SAMD3: variants seen among roughly 807,000 people sequenced by gnomAD.
SAMD3 encodes sterile alpha motif domain containing 3.
SAMD3 carries 63 observed loss-of-function variants against 58.5 expected under a neutral mutation model. The observed-to-expected ratio is 1.08, with a 90% CI of 0.88 to 1.33. The LOEUF is 1.33. Ranked by LOEUF, SAMD3 falls within the 40% of genes most tolerant of loss-of-function variation. The probability of loss-of-function intolerance (pLI) is 0.00; values close to 1 mark genes in which losing one functional copy is unlikely to be tolerated. For synonymous variants in SAMD3, 220 were observed against 210.3 expected (o/e 1.05, Z -0.40); for missense variants, 604 against 608.4 (o/e 0.99, Z 0.08).
Position 130,265,148 on chromosome 6 carries a change from C to T in SAMD3, c.-187-42335G>A, listed in dbSNP as rs1310709023. ...AAAGCTTGATCTATGAAAATCCCCGCATAACCATTGAAGTTTACAACACCC... is the reference window on the plus strand; with the variant it reads ...AAAGCTTGATCTATGAAAATCCCCGTATAACCATTGAAGTTTACAACACCC... On this transcript the variant is annotated intron_variant, in intron 2 of 13. Transcript: ENST00000368134. Among the ~76,000 whole-genome samples the T allele has an allele frequency of 2.6e-5, 4 of 152,376 alleles. No homozygotes were observed. In the South Asian group the frequency reaches 8.3e-4, roughly 32 times the overall value.
chr6:130,270,169 G>A (rs1290736218), intron 2 of SAMD3, among the ~76,000 whole-genome samples: 4 of 152,128 alleles, frequency 2.6e-5, no homozygotes, highest in African/African-American at 9.7e-5. Flanking sequence ...TCAGCTCACT[G>A]AAATTTCTGC....
At chr6:130,199,705 G>A (rs771669554) in intron 5 of SAMD3, among the ~76,000 whole-genome samples, 1 of 152,186 alleles carries the variant, frequency 6.6e-6, no homozygotes, top group South Asian at 2.1e-4. Context: ...AAGGTGAGAT[G>A]CTGTCTCTGA....
chr6:130,201,019 C>T (rs1794607591), intron 5 of SAMD3, among the ~76,000 whole-genome samples: 1 of 152,072 alleles, frequency 6.6e-6, no homozygotes, highest in South Asian at 2.1e-4. Context: ...AGTTTACCAC[C>T]CAGCAAACTC....
chr6:130,239,161 G>A (rs1276917082), intron 2 of SAMD3, among the ~76,000 whole-genome samples: 1 of 152,082 alleles, frequency 6.6e-6, no homozygotes, highest in Admixed American at 6.6e-5. Context: ...CCAGAGAAGT[G>A]GACTGACTCT....
chr6:130,145,751 T>A (rs1788562527), intron 10 of SAMD3, among the ~76,000 whole-genome samples: 1 of 152,150 alleles, frequency 6.6e-6, no homozygotes, highest in Non-Finnish European at 1.5e-5. Flanking sequence ...ATATCCAGTA[T>A]ACTTTTAAAA....
chr6:130,151,502 C>T (rs373663740), intron 9 of SAMD3, among the ~76,000 whole-genome samples: 10 of 152,228 alleles, frequency 6.6e-5, no homozygotes, highest in African/African-American at 1.2e-4. Context: ...AGTGCAGTGG[C>T]GCAATCTCGG....
At chr6:130,267,153 A>G (rs1369923533) in intron 2 of SAMD3, among the ~76,000 whole-genome samples, 1 of 152,206 alleles carries the variant, frequency 6.6e-6, no homozygotes, top group Non-Finnish European at 1.5e-5. Context: ...CGGGGCAAGT[A>G]GTTAAAGACA....
chr6:130,318,589 C>T (rs565208674), intron 1 of SAMD3, among the ~76,000 whole-genome samples: 101 of 152,176 alleles, frequency 6.6e-4, no homozygotes, highest in African/African-American at 2.3e-3. Context: ...CCACCATGCT[C>T]AGCTAATTTT....
At chr6:130,171,751 C>T (rs1791267440) in intron 8 of SAMD3, among the ~76,000 whole-genome samples, 2 of 152,120 alleles carry the variant, frequency 1.3e-5, no homozygotes, top group Non-Finnish European at 1.5e-5. Context: ...GAGTTCAAGT[C>T]CTGAATATCC....
upstream of SAMD3, among the ~76,000 whole-genome samples, chr6:130,227,163 G>C (rs1269904651): frequency 6.6e-6 from 1 of 152,048 alleles, no homozygotes. Context: ...CCATTATTTT[G>C]CTTTCTATCT....
chr6:130,225,032 TAGAG>T (rs955098404), upstream of SAMD3, among the ~76,000 whole-genome samples: 2 of 151,876 alleles, frequency 1.3e-5, no homozygotes, highest in African/African-American at 4.8e-5. Context: ...GTGTGTGTGT[TAGAG>T]AGAGATAAAG....
At chr6:130,149,950 G>A (rs115590456) in intron 9 of SAMD3, among the ~76,000 whole-genome samples, 164 of 152,102 alleles carry the variant, frequency 1.1e-3, no homozygotes, top group African/African-American at 3.8e-3. Flanking sequence ...TTTTCTTTCT[G>A]TTACTCAGAC....
rs144812572 is a variant in SAMD3 at position 130,260,197 on chromosome 6, T to G, written c.-187-37384A>C. Among the ~76,000 whole-genome samples the G allele has an allele frequency of 4.8e-3, 735 of 152,270 alleles. 10 individuals are homozygous for G. Among genetic ancestry groups the G allele is most frequent in the African/African-American group, 0.015 (619 of 41,542 alleles). ...AAAGAGAAGTGAAACTAAAGGCAGG[T>G]AGCCCGGTGCCTAGGAACCAGACCC... On this transcript the variant is annotated intron_variant, in intron 2 of 13. Coordinates refer to the SAMD3 transcript ENST00000368134.
At chr6:130,352,468 C>T (rs1017351864) in intron 1 of SAMD3, among the ~76,000 whole-genome samples, 3 of 152,076 alleles carry the variant, frequency 2.0e-5, no homozygotes, top group South Asian at 2.1e-4. Flanking sequence ...CCATTAGTAA[C>T]CAACAATTCT....
intron 2 of SAMD3, among the ~76,000 whole-genome samples, chr6:130,267,806 C>G (rs1774414015): frequency 6.6e-6 from 1 of 152,208 alleles, no homozygotes; most frequent in South Asian, 2.1e-4. Context: ...GTCACTTATG[C>G]CCTGCTTGCT....
In SAMD3 at chr6:130,144,503, C is replaced by A; in HGVS notation, c.*17G>T. 6.2e-7 allele frequency: 1 copy of A among 1,607,052 alleles called. No homozygotes were observed. The highest frequency in any genetic ancestry group is 8.5e-7 in the Non-Finnish European group (1 of 1,176,584). On this transcript the variant is annotated 3_prime_UTR_variant, in exon 12 of 12. Coordinates refer to ENST00000439090, the MANE Select transcript of SAMD3 (RefSeq NM_001017373.4). ...GTTTTCCCAGAGGTAAATTCCAGTA[C>A]AATATTTGGCATGCTATTAAGTGAG...
chr6:130,350,694 A>C (rs989655415), intron 1 of SAMD3, among the ~76,000 whole-genome samples: 4 of 152,282 alleles, frequency 2.6e-5, no homozygotes, highest in East Asian at 3.9e-4. Flanking sequence ...ACTACCAATG[A>C]CTTTCTTCAC....
intron 1 of SAMD3, among the ~76,000 whole-genome samples, chr6:130,350,511 A>G (rs924031138): frequency 2.0e-5 from 3 of 152,316 alleles, no homozygotes; most frequent in African/African-American, 7.2e-5. Flanking sequence ...AATCCAACTT[A>G]CAAGGGACAT....
intron 1 of SAMD3, among the ~76,000 whole-genome samples, chr6:130,361,303 C>T (rs192338643): frequency 1.2e-4 from 18 of 152,314 alleles, no homozygotes; most frequent in African/African-American, 4.3e-4. Context: ...GAAATCTTCA[C>T]AATCCATGTT....
Sources: allele counts gnomAD v4.1 joint callset (sites outside exome capture counted in the v4.1 genomes callset), GRCh38; gene constraint gnomAD v4.1.1; transcripts MANE v1.5; gene names NCBI Gene and HGNC (gene_info 2026-07-23, HGNC 2026-07-21).